AIG1: variants seen among roughly 807,000 people sequenced by gnomAD.
AIG1 encodes the protein androgen induced 1, also known as androgen-induced gene 1 protein.
A neutral mutation model predicts 31.4 loss-of-function variants in AIG1; 23 were observed. The ratio of observed to expected loss-of-function variants is 0.73; its 90% confidence interval spans 0.53 to 1.04. AIG1 has a LOEUF of 1.04. Ranked by LOEUF, AIG1 falls within the 50% of genes least tolerant of loss-of-function variation. The pLI is 0.00. For missense variants in AIG1, 274 were observed against 295.0 expected, an observed-to-expected ratio of 0.93 and a Z score of 0.52; for synonymous variants, 100 against 110.5, an observed-to-expected ratio of 0.90 and a Z score of 0.60.
intron 2 of AIG1, among the ~76,000 whole-genome samples, chr6:143,158,122 A>G (rs972044969): frequency 6.6e-6 from 1 of 152,034 alleles, no homozygotes; most frequent in African/African-American, 2.4e-5. Context: ...GCTCTTTTGG[A>G]TGGTGACATA....
intron 3 of AIG1, among the ~76,000 whole-genome samples, chr6:143,227,168 A>G (rs1318115928): frequency 1.3e-5 from 2 of 152,150 alleles, no homozygotes; most frequent in Non-Finnish European, 2.9e-5. Flanking sequence ...TCTCTTGAAC[A>G]AAGGTAAAAG....
intron 3 of AIG1, among the ~76,000 whole-genome samples, chr6:143,196,387 A>ACACACACACACACACC (rs1790239203): frequency 6.6e-6 from 1 of 150,560 alleles, no homozygotes; most frequent in Non-Finnish European, 1.5e-5. Flanking sequence ...ACACACACAC[A>ACACACACACACACACC]CACACACACC....
chr6:143,082,985 C>T (rs945815296), intron 1 of AIG1, among the ~76,000 whole-genome samples: 1 of 152,172 alleles, frequency 6.6e-6, no homozygotes, highest in African/African-American at 2.4e-5. Flanking sequence ...GGCTATTTTG[C>T]CATACCTGTT....
intron 4 of AIG1, among the ~76,000 whole-genome samples, chr6:143,302,678 T>A (rs1798916753): frequency 6.6e-6 from 1 of 152,236 alleles, no homozygotes; most frequent in Admixed American, 6.5e-5. Context: ...AGTGCCGCAA[T>A]AAACATACGT....
At chr6:143,272,900 G>A (rs1218104832) in intron 3 of AIG1, among the ~76,000 whole-genome samples, 3 of 152,182 alleles carry the variant, frequency 2.0e-5, no homozygotes, top group African/African-American at 7.2e-5. Flanking sequence ...GGAGGCCGAG[G>A]TGGGCGAATC....
intron 2 of AIG1, among the ~76,000 whole-genome samples, chr6:143,145,825 A>G (rs1376193276): frequency 6.6e-6 from 1 of 152,218 alleles, no homozygotes; most frequent in Non-Finnish European, 1.5e-5. Flanking sequence ...TTATGTTAGT[A>G]TGAAAAATAT....
intron 3 of AIG1, among the ~76,000 whole-genome samples, chr6:143,166,678 A>G (rs1786981842): frequency 6.6e-6 from 1 of 152,226 alleles, no homozygotes; most frequent in Non-Finnish European, 1.5e-5. Context: ...TGATGAATGA[A>G]TTCGCTATAG....
rs953404413 is a variant in AIG1 at position 143,230,866 on chromosome 6, A to G, written c.400-53244A>G. ...GACTCCTCAACTTGTCTCCAGTTTTACACCTTGCCCCTCTTTATTTCAGCC... is the reference window on the plus strand; with the variant it reads ...GACTCCTCAACTTGTCTCCAGTTTTGCACCTTGCCCCTCTTTATTTCAGCC... On this transcript the variant is annotated intron_variant, in intron 3 of 5. Transcript: ENST00000357847. 3.3e-5 allele frequency among the ~76,000 whole-genome samples: 5 copies of G among 152,220 alleles called. No homozygotes were observed. The East Asian group carries it at 7.7e-4, about 23-fold the overall frequency.
At chr6:143,060,032 G>A (rs1776101660), upstream of AIG1, among the ~76,000 whole-genome samples, 1 of 152,184 alleles carries the variant, frequency 6.6e-6, no homozygotes, top group South Asian at 2.1e-4. Flanking sequence ...ACACGCAGGG[G>A]TTTTACATCC....
chr6:143,250,605 A>G lies in AIG1; in HGVS notation c.400-33505A>G, dbSNP rs77440583. Among the ~76,000 whole-genome samples, 377 of 152,224 alleles carry G rather than the reference A, an allele frequency of 2.5e-3. 1 individual carries two copies. Among genetic ancestry groups the G allele is most frequent in the African/African-American group, 8.4e-3 (347 of 41,540 alleles). On this transcript the variant is annotated intron_variant, in intron 3 of 5. Coordinates refer to ENST00000357847, the MANE Select transcript of AIG1 (RefSeq NM_016108.4). ...CATCACAGGTGTCCTTGTATAAGAA[A>G]GGCAGAGAGAAGTTAGACACACATT...
chr6:143,221,715 A>G (rs1178104684), intron 3 of AIG1, among the ~76,000 whole-genome samples: 1 of 152,070 alleles, frequency 6.6e-6, no homozygotes, highest in African/African-American at 2.4e-5. Flanking sequence ...TTCCTACTTT[A>G]TGATATTCTA....
At chr6:143,071,312 C>T (rs1777237572) in intron 1 of AIG1, among the ~76,000 whole-genome samples, 1 of 152,186 alleles carries the variant, frequency 6.6e-6, no homozygotes, top group Non-Finnish European at 1.5e-5. Context: ...AGTATGCATA[C>T]ACCACAGTTT....
chr6:143,221,115 G>A (rs1792479604), intron 3 of AIG1, among the ~76,000 whole-genome samples: 1 of 152,222 alleles, frequency 6.6e-6, no homozygotes, highest in Non-Finnish European at 1.5e-5. Context: ...TATTATTATT[G>A]TAGTTTCATC....
At chr6:143,273,107 C>T (rs376430284) in intron 3 of AIG1, among the ~76,000 whole-genome samples, 3 of 152,082 alleles carry the variant, frequency 2.0e-5, no homozygotes, top group South Asian at 2.1e-4. Flanking sequence ...CCAGTCTGGG[C>T]GACAGAGTGA....
chr6:143,281,614 A>G (rs1196567837), intron 3 of AIG1, among the ~76,000 whole-genome samples: 1 of 152,216 alleles, frequency 6.6e-6, no homozygotes, highest in Non-Finnish European at 1.5e-5. Flanking sequence ...GTTTTTTACC[A>G]TTCTTTTAGT....
chr6:143,263,358 C>T lies in AIG1; in HGVS notation c.400-20752C>T, dbSNP rs576445569. Among the ~76,000 whole-genome samples the T allele has an allele frequency of 9.9e-5, 15 of 151,742 alleles. No individual in the cohort carries two copies. The South Asian group carries it at 1.5e-3, about 15-fold the overall frequency. On this transcript the variant is annotated intron_variant, in intron 3 of 5. Transcript: ENST00000357847. ...CTTATTTCTGATGTCAGGAACATGC[C>T]GATTTGCCCTTTCTCCTGCTCATCT...
At chr6:143,119,438 C>T (rs186854027) in intron 1 of AIG1, among the ~76,000 whole-genome samples, 1 of 152,274 alleles carries the variant, frequency 6.6e-6, no homozygotes, top group African/African-American at 2.4e-5. Flanking sequence ...GTAATAAACA[C>T]AAGTCCAAAA....
chr6:143,170,093 T>C (rs1787345086), intron 3 of AIG1, among the ~76,000 whole-genome samples: 1 of 152,144 alleles, frequency 6.6e-6, no homozygotes, highest in Non-Finnish European at 1.5e-5. Context: ...ATGGTAATGC[T>C]GGCATCATAG....
At chr6:143,286,149 A>G (rs1797667861) in intron 4 of AIG1, among the ~76,000 whole-genome samples, 1 of 152,048 alleles carries the variant, frequency 6.6e-6, no homozygotes, top group South Asian at 2.1e-4. Context: ...AATTATCTGC[A>G]TCTTGTAGAG....
Sources: gnomAD v4.1 joint callset for allele counts (sites outside exome capture counted in the v4.1 genomes callset) on GRCh38, gnomAD v4.1.1 for gene constraint, MANE v1.5 for transcripts, NCBI Gene and HGNC (gene_info 2026-07-23, HGNC 2026-07-21) for gene names.